NFAT5: variants seen among roughly 807,000 people sequenced by gnomAD.
NFAT5 encodes the protein nuclear factor of activated T-cells 5.
In NFAT5, 31 loss-of-function variants were observed where a neutral mutation model predicts 166.5. That is an observed-to-expected ratio of 0.19 (90% CI 0.14 to 0.25). NFAT5 has a LOEUF of 0.25. Ranked by LOEUF, NFAT5 falls within the 10% of genes least tolerant of loss-of-function variation. The pLI is 1.00. For missense variants in NFAT5, 1,449 were observed against 1,821.8 expected, an observed-to-expected ratio of 0.80 and a Z score of 3.72; for synonymous variants, 612 against 639.7, an observed-to-expected ratio of 0.96 and a Z score of 0.65.
At chr16:69,663,823 G>A (rs778025854) in intron 7 of NFAT5, among the ~76,000 whole-genome samples, 7 of 152,094 alleles carry the variant, frequency 4.6e-5, no homozygotes, top group Non-Finnish European at 1.0e-4. Flanking sequence ...GATACAGTGA[G>A]CTATGGTGGC....
chr16:69,644,276 C>T (rs1466574248), intron 3 of NFAT5, among the ~76,000 whole-genome samples: 1 of 151,230 alleles, frequency 6.6e-6, no homozygotes, highest in Non-Finnish European at 1.5e-5. Context: ...CAGAGTGAGA[C>T]CCTGCCTCAA....
In NFAT5 at chr16:69,670,087, G is replaced by A; in HGVS notation, c.1480G>A (p.Val494Ile). 6.2e-7 allele frequency: 1 copy of A among 1,611,624 alleles called. No individual in the cohort carries two copies. The highest frequency in any genetic ancestry group is 8.5e-7 in the Non-Finnish European group (1 of 1,179,406). The change falls in exon 8 of 15, where the codon GTT (valine) becomes ATT (isoleucine). Residue 494 changes from valine (V) to isoleucine (I), a missense_variant. This residue lies in a region of NFAT5 where 245 missense variants were observed against 366.6 expected (regional missense o/e 0.67). Coordinates refer to ENST00000349945, the MANE Select transcript of NFAT5 (RefSeq NM_138713.4). ...CAAGAACTTTCTGAAAGGAACTAAA[G>A]TTATTTTCCAAGAAAATGTTTCTGG... ...IGKNFLKGTKVIFQENVSDEN... is the reference protein window; with the variant it reads ...IGKNFLKGTKIIFQENVSDEN...
At chr16:69,616,502 G>A (rs974148574) in intron 2 of NFAT5, among the ~76,000 whole-genome samples, 1 of 151,622 alleles carries the variant, frequency 6.6e-6, no homozygotes, top group East Asian at 1.9e-4. Flanking sequence ...TTACTCCTTG[G>A]GCTAGGCTGT....
intron 2 of NFAT5, among the ~76,000 whole-genome samples, chr16:69,588,011 G>C (rs2032203656): frequency 7.4e-6 from 1 of 134,556 alleles, no homozygotes; most frequent in African/African-American, 2.8e-5. Context: ...GGAGTGCAGT[G>C]GTATGATTCC....
intron 6 of NFAT5, among the ~76,000 whole-genome samples, chr16:69,659,345 G>A (rs1016784963): frequency 6.6e-6 from 1 of 151,934 alleles, no homozygotes; most frequent in African/African-American, 2.4e-5. Context: ...AGGAGGCTGA[G>A]GCAGGAGAAT....
At chr16:69,568,393 T>TATATAC in intron 1 of NFAT5, 102 bp from the exon 2 acceptor site, 1 of 501,678 alleles carries the variant, frequency 2.0e-6, no homozygotes, top group Admixed American at 3.3e-5. Context: ...TATATATATA[T>TATATAC]ACACACACAC....
rs2037884646 is a variant in NFAT5 at position 69,700,783 on chromosome 16, G to A, written c.*4432G>A. The A allele has an allele frequency of 6.6e-6, 1 of 152,100 alleles. No homozygotes were observed. Among genetic ancestry groups the A allele is most frequent in the Admixed American group, 6.6e-5 (1 of 15,258 alleles). 9.4% of individuals were successfully genotyped at this position (152,100 alleles called of 1,614,324 possible). A position where few individuals can be genotyped will look rare whatever the true frequency, so the allele number is the denominator to read the frequency against. On this transcript the variant is annotated 3_prime_UTR_variant, in exon 15 of 15. Coordinates refer to ENST00000349945, the MANE Select transcript of NFAT5 (RefSeq NM_138713.4). The stretch of plus-strand genomic sequence containing the variant: ...TCATAGTATATACCCTAGTAAGTGG[G>A]TTAGTAGAATCTCATAACATGTATT...
chr16:69,622,657 A>G (rs1487431182), intron 2 of NFAT5, among the ~76,000 whole-genome samples: 5 of 152,128 alleles, frequency 3.3e-5, no homozygotes, highest in African/African-American at 9.7e-5. Flanking sequence ...TGATTTGATT[A>G]ATTTATTTTA....
intron 11 of NFAT5, among the ~76,000 whole-genome samples, chr16:69,688,155 C>A (rs2037387623): frequency 7.0e-6 from 1 of 142,126 alleles, no homozygotes; most frequent in Non-Finnish European, 1.5e-5. Context: ...GAGATTGCGC[C>A]ACTGCAGTCC....
chr16:69,671,956 G>A (rs1296893500), intron 9 of NFAT5, among the ~76,000 whole-genome samples: 1 of 152,208 alleles, frequency 6.6e-6, no homozygotes, highest in Non-Finnish European at 1.5e-5. Flanking sequence ...TTGATATGGT[G>A]TGTTCCAAAG....
chr16:69,692,539 A>T lies in NFAT5; in HGVS notation c.2714A>T (p.Gln905Leu), dbSNP rs1490536007. ...SNQQQQQQQQ[Q>L]QVMESSAAMV... is the part of the protein sequence containing the mutation. The stretch of plus-strand genomic sequence containing the variant: ...CAACAGCAGCAGCAGCAGCAGCAAC[A>T]GCAAGTGATGGAATCTTCAGCCGCA... The change falls in exon 13 of 15, where the codon CAG becomes CTG. Residue 905 changes from glutamine (Q) to leucine (L), a missense_variant. Physicochemically the swap from Gln to Leu is moderately radical, Grantham distance 113. This residue lies in a region of NFAT5 where 891 missense variants were observed against 993.0 expected (regional missense o/e 0.90). Coordinates refer to ENST00000349945, the MANE Select transcript of NFAT5 (RefSeq NM_138713.4). The T allele has an allele frequency of 6.2e-7, 1 of 1,614,214 alleles. No individual in the cohort carries two copies. The highest frequency in any genetic ancestry group is 1.7e-5 in the Admixed American group (1 of 60,026).
In NFAT5 at chr16:69,677,253, G is replaced by A; in HGVS notation, c.1608G>A (p.Leu536=). Residue 536 remains leucine (L), a synonymous_variant, in exon 10 of 15, where the codon TTG becomes TTA. Coordinates refer to ENST00000349945, the MANE Select transcript of NFAT5 (RefSeq NM_138713.4). ...CCTATCATGACCAACATATAACTTT[G>A]CCTGTGTCAGTGGGAATATATGTAG... ...VPPYHDQHIT[L]PVSVGIYVVT... 1.9e-6 allele frequency: 3 copies of A among 1,612,206 alleles called. No homozygotes were observed. The highest frequency in any genetic ancestry group is 2.2e-5 in the South Asian group (2 of 90,552).
At chr16:69,656,774 A>G (rs7185430) in intron 6 of NFAT5, among the ~76,000 whole-genome samples, 6,709 of 152,268 alleles carry the variant, frequency 0.044, 504 homozygotes, top group African/African-American at 0.15. Context: ...AGCAGAGACT[A>G]TGAAGTGCCT....
chr16:69,661,459 C>T (rs1307501757), intron 7 of NFAT5, among the ~76,000 whole-genome samples: 1 of 138,570 alleles, frequency 7.2e-6, no homozygotes, highest in African/African-American at 2.7e-5. Flanking sequence ...AGAAGGATCA[C>T]TTGAGCCCAG....
chr16:69,619,783 G>T (rs1047543865), intron 2 of NFAT5, among the ~76,000 whole-genome samples: 7 of 152,146 alleles, frequency 4.6e-5, no homozygotes, highest in Admixed American at 4.6e-4. Flanking sequence ...GGGGATTTGG[G>T]TGATCAGCTC....
At chr16:69,679,265 A>C (rs909259859) in intron 10 of NFAT5, among the ~76,000 whole-genome samples, 6 of 152,064 alleles carry the variant, frequency 3.9e-5, no homozygotes, top group Middle Eastern at 6.3e-3. Flanking sequence ...TGAATTTTGC[A>C]ACATTATTTT....
intron 13 of NFAT5, among the ~76,000 whole-genome samples, chr16:69,694,610 A>G (rs2037697820): frequency 6.6e-6 from 1 of 152,246 alleles, no homozygotes; most frequent in Admixed American, 6.5e-5. Context: ...CCTATAGACT[A>G]TAAGATCTTG....
chr16:69,576,707 C>G, intron 2 of NFAT5, among the ~76,000 whole-genome samples: 1 of 151,972 alleles, frequency 6.6e-6, no homozygotes. Flanking sequence ...CCCTCTCTAC[C>G]AAAATTAGCC....
At chr16:69,585,848 C>T (rs946032439) in intron 2 of NFAT5, among the ~76,000 whole-genome samples, 16 of 151,958 alleles carry the variant, frequency 1.1e-4, no homozygotes, top group Non-Finnish European at 2.4e-4. Context: ...TTACCAGGAG[C>T]TGGGGGTTGG....
Sources: gnomAD v4.1 joint callset for allele counts (sites outside exome capture counted in the v4.1 genomes callset) on GRCh38, gnomAD v4.1.1 for gene constraint, gnomAD v4.1.1 regional missense constraint, MANE v1.5 for transcripts, NCBI Gene and HGNC (gene_info 2026-07-23, HGNC 2026-07-21) for gene names.